CXCL13: variants seen among roughly 807,000 people sequenced by gnomAD.
CXCL13 encodes C-X-C motif chemokine ligand 13, also known as C-X-C motif chemokine 13.
CXCL13 carries 7 observed loss-of-function variants against 12.2 expected under a neutral mutation model. That is an observed-to-expected ratio of 0.57 (90% CI 0.33 to 1.07). The LOEUF is 1.07. Ranked by LOEUF, CXCL13 falls within the 50% of genes least tolerant of loss-of-function variation. The pLI, the probability that CXCL13 is intolerant of heterozygous loss-of-function variation, is 0.04. For missense variants in CXCL13, 113 were observed against 127.4 expected, an observed-to-expected ratio of 0.89 and a Z score of 0.55; for synonymous variants, 47 against 42.4, an observed-to-expected ratio of 1.11 and a Z score of -0.42.
chr4:77,553,712 C>T (rs1172593557), intron 1 of CXCL13, among the ~76,000 whole-genome samples: 1 of 152,210 alleles, frequency 6.6e-6, no homozygotes, highest in African/African-American at 2.4e-5. Context: ...TTCCCATTTT[C>T]CTTCTTGAAA....
At chr4:77,559,624 G>A (rs1246386971) in intron 1 of CXCL13, among the ~76,000 whole-genome samples, 2 of 150,990 alleles carry the variant, frequency 1.3e-5, no homozygotes, top group African/African-American at 2.4e-5. Flanking sequence ...TGAAAGTAAA[G>A]TAAAACCTGA....
chr4:77,563,145 A>C (rs895008975), intron 1 of CXCL13, among the ~76,000 whole-genome samples: 2 of 152,096 alleles, frequency 1.3e-5, no homozygotes, highest in African/African-American at 4.8e-5. Flanking sequence ...AGCTCCAAAC[A>C]CGTCAGAACA....
intron 1 of CXCL13, among the ~76,000 whole-genome samples, chr4:77,533,645 C>T (rs576817552): frequency 1.4e-4 from 22 of 152,292 alleles, no homozygotes; most frequent in East Asian, 7.7e-4. Context: ...GAGTCTATAG[C>T]GGTAGGCAGG....
At chr4:77,607,077 G>A (rs28654096) in intron 1 of CXCL13, among the ~76,000 whole-genome samples, 11,755 of 152,210 alleles carry the variant, frequency 0.077, 598 homozygotes, top group African/African-American at 0.14. Flanking sequence ...GAAAGGGGAG[G>A]ATGGCAGAGA....
chr4:77,594,549 T>C (rs896140475), intron 1 of CXCL13, among the ~76,000 whole-genome samples: 1 of 152,158 alleles, frequency 6.6e-6, no homozygotes. Context: ...TAATAAAACA[T>C]TTCATGTCAC....
At chr4:77,604,455 T>G (rs1726956585), upstream of CXCL13, among the ~76,000 whole-genome samples, 1 of 152,102 alleles carries the variant, frequency 6.6e-6, no homozygotes, top group African/African-American at 2.4e-5. Flanking sequence ...CTTCATATAT[T>G]TGGATTGCCA....
upstream of CXCL13, chr4:77,605,709 C>T: frequency 2.4e-6 from 1 of 421,950 alleles, no homozygotes; most frequent in African/African-American, 2.0e-5. Context: ...GCAAGCTCAG[C>T]AATATTTGGG....
intron 1 of CXCL13, among the ~76,000 whole-genome samples, chr4:77,551,258 C>A (rs1352051983): frequency 1.3e-5 from 2 of 152,134 alleles, no homozygotes; most frequent in African/African-American, 4.8e-5. Context: ...CAGCAGGTAT[C>A]ATTATTTTGT....
At chr4:77,580,439 G>T (rs1460207296) in intron 1 of CXCL13, among the ~76,000 whole-genome samples, 1 of 141,374 alleles carries the variant, frequency 7.1e-6, no homozygotes, top group Non-Finnish European at 1.5e-5. Context: ...CAATTCTTCT[G>T]CCTCAGCCTC....
At chr4:77,559,808 G>T (rs1269429312) in intron 1 of CXCL13, among the ~76,000 whole-genome samples, 1 of 151,398 alleles carries the variant, frequency 6.6e-6, no homozygotes, top group African/African-American at 2.4e-5. Context: ...TGTAGTCCCA[G>T]CTACTCAGGA....
chr4:77,519,165 A>G (rs1210495642), intron 1 of CXCL13, among the ~76,000 whole-genome samples: 1 of 152,168 alleles, frequency 6.6e-6, no homozygotes, highest in Non-Finnish European at 1.5e-5. Context: ...TTTGTCTCAG[A>G]GGAGTACCTG....
At chr4:77,519,008 A>T (rs1724502877) in intron 1 of CXCL13, among the ~76,000 whole-genome samples, 1 of 152,086 alleles carries the variant, frequency 6.6e-6, no homozygotes, top group Admixed American at 6.5e-5. Context: ...TTTCCTTCTA[A>T]CAGAGAGGAC....
At chr4:77,543,492 G>A (rs1560520756) in intron 1 of CXCL13, among the ~76,000 whole-genome samples, 2 of 152,028 alleles carry the variant, frequency 1.3e-5, no homozygotes, top group South Asian at 2.1e-4. Context: ...TAGGCATTTA[G>A]CACTATTAAC....
At chr4:77,519,365 C>G (rs760617871) in intron 1 of CXCL13, among the ~76,000 whole-genome samples, 4 of 152,216 alleles carry the variant, frequency 2.6e-5, no homozygotes, top group Non-Finnish European at 5.9e-5. Flanking sequence ...GCGTCACTCA[C>G]GCTGGGAGCT....
At chr4:77,579,058 G>A (rs1180172950) in intron 1 of CXCL13, among the ~76,000 whole-genome samples, 1 of 152,210 alleles carries the variant, frequency 6.6e-6, no homozygotes, top group Non-Finnish European at 1.5e-5. Context: ...TCCAGCCACT[G>A]CAAGGGCTAC....
At chr4:77,520,130 G>A (rs1253743458) in intron 1 of CXCL13, among the ~76,000 whole-genome samples, 2 of 152,218 alleles carry the variant, frequency 1.3e-5, no homozygotes, top group Non-Finnish European at 2.9e-5. Context: ...TTGTAGTATA[G>A]TTTGAGGTCA....
At chr4:77,607,893 TGTTACCATACA>T in intron 2 of CXCL13, 58 bp downstream of exon 2, 1 of 1,545,130 alleles carries the variant, frequency 6.5e-7, no homozygotes, top group Non-Finnish European at 8.9e-7. Context: ...TCAGATCAAA[TGTTACCATACA>T]GTAGTCTTAC....
chr4:77,607,093 A>T (rs1727016935), intron 1 of CXCL13, among the ~76,000 whole-genome samples: 1 of 152,224 alleles, frequency 6.6e-6, no homozygotes, highest in Admixed American at 6.5e-5. Flanking sequence ...AGAGAGTCTG[A>T]TAGAGAAAAC....
intron 1 of CXCL13, among the ~76,000 whole-genome samples, chr4:77,580,308 CTTTTTTTTTTTTTTTTTTTTT>C (rs1015001550): frequency 0.013 from 234 of 17,634 alleles, 4 homozygotes; most frequent in African/African-American, 0.045. Flanking sequence ...AGTTTTCTTT[CTTTTTTTTTTTTTTTTTTTTT>C]TTTTTTTTTT....
Sources: allele counts gnomAD v4.1 joint callset (sites outside exome capture counted in the v4.1 genomes callset), GRCh38; gene constraint gnomAD v4.1.1; transcripts MANE v1.5; gene names NCBI Gene and HGNC (gene_info 2026-07-23, HGNC 2026-07-21).